Variants in POLE observed in about 807,000 individuals in gnomAD.
POLE encodes the protein DNA polymerase epsilon catalytic subunit A.
Under a neutral mutation model 279.2 loss-of-function variants are expected in POLE, and 188 were observed. The ratio of observed to expected loss-of-function variants is 0.67; its 90% CI spans 0.60 to 0.76. The LOEUF is 0.76. Among genes scored for constraint, POLE ranks in the 30% least tolerant of loss-of-function variants. The pLI, the probability that POLE is intolerant of heterozygous loss-of-function variation, is 0.00. For missense variants in POLE, 2,703 were observed against 3,016.7 expected, an observed-to-expected ratio of 0.90 and a Z score of 2.44; for synonymous variants, 1,214 against 1,172.5, an observed-to-expected ratio of 1.04 and a Z score of -0.72.
At chr12:132,626,354 C>CG (rs2041840148) in intron 45 of POLE, 37 bp from the exon 46 acceptor site, 1 of 1,597,976 alleles carries the variant, frequency 6.3e-7, no homozygotes, top group Non-Finnish European at 8.6e-7. Context: ...AAGGAGCTCC[C>CG]GGGGCCTCCC....
Position 132,624,551 on chromosome 12 carries a change from T to G in POLE, c.*146A>C. On this transcript the variant is annotated 3_prime_UTR_variant, in exon 49 of 49. Coordinates refer to ENST00000320574, the MANE Select transcript of POLE (RefSeq NM_006231.4). ...TCTGAGCTCCCTGAAAATGGTTTTC[T>G]TTGGTTTCCTCCCCGTTCCCTGGCC... 1 of 666,504 alleles carries G rather than the reference T, an allele frequency of 1.5e-6. No individual in the cohort carries two copies. Among genetic ancestry groups the G allele is most frequent in the Non-Finnish European group, 2.7e-6 (1 of 366,960 alleles). 41.3% of individuals were successfully genotyped at this position (666,504 alleles called of 1,614,324 possible). A position where few individuals can be genotyped will look rare whatever the true frequency, so the allele number is the denominator to read the frequency against.
Position 132,649,060 on chromosome 12 carries a change from TG to T in POLE, c.4017del (p.Ser1340AlafsTer21). ...LPWQIVQISE[T>X]SQAGLFRLWA... is the part of the protein sequence containing the mutation. ...CACAGCCTGAACAGGCCGGCCTGGC[TG>T]GTCTCGCTGATCTGAAAGGCCACAC... On this transcript the variant is annotated frameshift_variant, in exon 32 of 49. Coordinates refer to ENST00000320574, the MANE Select transcript of POLE (RefSeq NM_006231.4). LOFTEE classifies it high-confidence loss of function. The T allele has an allele frequency of 2.5e-6, 4 of 1,612,114 alleles. No homozygotes were observed. The highest frequency in any genetic ancestry group is 3.4e-6 in the Non-Finnish European group (4 of 1,179,644).
rs770638609 is a variant in POLE at position 132,677,770 on chromosome 12, GT to G, written c.579-52del. ...ACTCAGCTGCCAGGGTCTGGAGGAG[GT>G]GAGACCAGAGTTCCAACTCAGTAGG... is the stretch of plus-strand genomic sequence containing the variant. On this transcript the variant is annotated intron_variant, in intron 6 of 48. Coordinates refer to ENST00000320574, the MANE Select transcript of POLE (RefSeq NM_006231.4). 11 of 1,582,412 alleles carry G rather than the reference GT, an allele frequency of 7.0e-6. No individual in the cohort carries two copies. In the South Asian group the frequency reaches 9.0e-5, roughly 13 times the overall value.
Position 132,642,901 on chromosome 12 carries a change from G to C in POLE, c.4647C>G (p.Pro1549=), listed in dbSNP as rs1004972253. Residue 1549 remains proline, a synonymous_variant, in exon 36 of 49, where the codon CCC becomes CCG. Transcript: ENST00000320574. ...EKVGPELLPP[P]KHTFEVRAET... ...CTGCCCGAACTTCGAAGGTGTGTTT[G>C]GGGGGTGGCAGGAGCTCAGGGCCCA... 15 of 1,613,520 alleles carry C rather than the reference G, an allele frequency of 9.3e-6. No individual in the cohort carries two copies. Among genetic ancestry groups the C allele is most frequent in the African/African-American group, 2.7e-5 (2 of 74,920 alleles).
intron 39 of POLE, chr12:132,641,412 C>G: frequency 3.5e-6 from 2 of 575,414 alleles, no homozygotes; most frequent in Non-Finnish European, 6.2e-6. Flanking sequence ...TGTGAAGTAC[C>G]TCTGGCCACA....
chr12:132,630,291 G>A (rs527287018), intron 45 of POLE, among the ~76,000 whole-genome samples: 19 of 152,254 alleles, frequency 1.2e-4, no homozygotes, highest in East Asian at 1.2e-3. Flanking sequence ...ACAGGTAACC[G>A]CTTCGAAGCA....
At chr12:132,680,363 G>A in intron 3 of POLE, 141 bp from the exon 4 acceptor site, 5 of 780,176 alleles carry the variant, frequency 6.4e-6, no homozygotes, top group South Asian at 1.5e-5. Flanking sequence ...CAGGAAGTCA[G>A]AATGCGCACT....
intron 4 of POLE, 62 bp downstream of exon 4, chr12:132,680,116 T>G: frequency 2.5e-6 from 4 of 1,596,290 alleles, no homozygotes; most frequent in Non-Finnish European, 3.4e-6. Flanking sequence ...ATTTCCCAGT[T>G]GCAAAGCCCA....
chr12:132,685,980 A>G (rs191530478), intron 1 of POLE, among the ~76,000 whole-genome samples: 27 of 151,508 alleles, frequency 1.8e-4, no homozygotes, highest in African/African-American at 6.3e-4. Flanking sequence ...CGTTCAAGTG[A>G]TTCTCCTGCC....
chr12:132,624,631 C>A lies in POLE; in HGVS notation c.*66G>T. On this transcript the variant is annotated 3_prime_UTR_variant, in exon 49 of 49. Coordinates refer to ENST00000320574, the MANE Select transcript of POLE (RefSeq NM_006231.4). ...GTCAGTGGTCTGGTCACTGGAAGCA[C>A]GGGGATGTGGCCTTGGCATCAGGAG... The A allele has an allele frequency of 1.1e-6, 1 of 909,058 alleles. No homozygotes were observed. Among genetic ancestry groups the A allele is most frequent in the East Asian group, 2.4e-5 (1 of 41,804 alleles). The allele number at this position is 909,058 out of a possible 1,614,324, so 56.3% of individuals were successfully genotyped here. A position where few individuals can be genotyped will look rare whatever the true frequency, so the allele number is the denominator to read the frequency against.
chr12:132,625,962 G>T, intron 46 of POLE, 155 bp downstream of exon 46: 1 of 1,079,384 alleles, frequency 9.3e-7, no homozygotes, highest in Non-Finnish European at 1.3e-6. Context: ...AACATGGTGT[G>T]GGGAGGCCTG....
chr12:132,642,723 G>A lies in POLE; in HGVS notation c.4735C>T (p.Arg1579Cys), dbSNP rs1060500802. The A allele has an allele frequency of 5.0e-6, 8 of 1,613,270 alleles. No homozygotes were observed. The highest frequency in any genetic ancestry group is 6.8e-6 in the Non-Finnish European group (8 of 1,179,654). The change falls in exon 37 of 49, where the codon CGC becomes TGC. Residue 1579 changes from arginine (R) to cysteine (C), a missense_variant. Coordinates refer to ENST00000320574, the MANE Select transcript of POLE (RefSeq NM_006231.4). Reference protein sequence around the residue: ...QRFLLAYKEERRGPTLIAVQS... With the variant: ...QRFLLAYKEECRGPTLIAVQS... Reference sequence around the variant, plus strand: ...ACAGCGATGAGTGTGGGCCCCCGGCGCTCCTCCTGGGTCAAGGCAAAATGG... The same window carrying A: ...ACAGCGATGAGTGTGGGCCCCCGGCACTCCTCCTGGGTCAAGGCAAAATGG...
chr12:132,643,800 C>A (rs1339707135), intron 33 of POLE, 37 bp downstream of exon 33: 1 of 1,602,096 alleles, frequency 6.2e-7, no homozygotes, highest in Admixed American at 1.7e-5. Context: ...CCTGCTGGAG[C>A]CTCCCCCAGT....
At position 132,634,662 on chromosome 12, in the gene POLE, C is replaced by T. The variant is rs531206326; in HGVS notation, c.5812-284G>A. Among the ~76,000 whole-genome samples, 1 of 152,306 alleles carries T rather than the reference C, an allele frequency of 6.6e-6. No individual in the cohort carries two copies. Among genetic ancestry groups the T allele is most frequent in the South Asian group, 2.1e-4 (1 of 4,824 alleles). On this transcript the variant is annotated intron_variant, in intron 42 of 48. Coordinates refer to ENST00000320574, the MANE Select transcript of POLE (RefSeq NM_006231.4). This position sits in a 1 kb window ranked among gnomAD's most constrained non-coding sequence, Gnocchi z 4.0. ...TCACTTTAATTGTTGAACTCCCACC[C>T]CCCAAGGACGAAAGAACCAGCCAGA... is the stretch of plus-strand genomic sequence containing the variant.
At chr12:132,659,204 G>C (rs1190481472) in intron 26 of POLE, 91 bp downstream of exon 26, 2 of 1,344,088 alleles carry the variant, frequency 1.5e-6, no homozygotes, top group African/African-American at 1.5e-5. Flanking sequence ...TCTGTGATGA[G>C]GGGAGCCCTC....
chr12:132,634,876 C>T lies in POLE; in HGVS notation c.5812-498G>A, dbSNP rs2042004013. 1.3e-5 allele frequency among the ~76,000 whole-genome samples: 2 copies of T among 152,086 alleles called. No homozygotes were observed. The stretch of plus-strand genomic sequence containing the variant: ...CCCCTCCTCAGAGCGGTCTACACTG[C>T]CTGAGTTTCTACCCTCCCACTTTGT... On this transcript the variant is annotated intron_variant, in intron 42 of 48. Coordinates refer to ENST00000320574, the MANE Select transcript of POLE (RefSeq NM_006231.4). This position sits in a 1 kb window ranked among gnomAD's most constrained non-coding sequence, Gnocchi z 4.0.
In POLE at chr12:132,641,631, C is replaced by T. The variant is rs927605562; in HGVS notation, c.5378+16G>A. On this transcript the variant is annotated intron_variant, in intron 39 of 48. Transcript: ENST00000320574. ...ACCCTTCTATTAGTAACACTCCTTC[C>T]CAGAGAGGGTGGCACCTGAAGGTGT... The T allele has an allele frequency of 5.6e-6, 9 of 1,608,336 alleles. No homozygotes were observed. Among genetic ancestry groups the T allele is most frequent in the Non-Finnish European group, 6.8e-6 (8 of 1,174,970 alleles).
At position 132,668,745 on chromosome 12, in the gene POLE, G is replaced by A. The variant is rs530352468; in HGVS notation, c.1924-8C>T. ...GTCCACCATGGCAGAGGGCTGGGAG[G>A]GGTGAGAAAGCACTTAGGGCTGGGC... is the stretch of plus-strand genomic sequence containing the variant. On this transcript the variant is annotated splice_region_variant and splice_polypyrimidine_tract_variant and intron_variant, in intron 17 of 48. Transcript: ENST00000320574. This position sits in a 1 kb window ranked among gnomAD's most constrained non-coding sequence, Gnocchi z 4.0. 3 of 1,613,750 alleles carry A rather than the reference G, an allele frequency of 1.9e-6. No individual in the cohort carries two copies. The East Asian group carries it at 6.7e-5, about 36-fold the overall frequency.
chr12:132,635,602 C>T (rs771117398), intron 42 of POLE, among the ~76,000 whole-genome samples: 5 of 152,260 alleles, frequency 3.3e-5, no homozygotes, highest in African/African-American at 7.2e-5. Context: ...GCCTTATGCT[C>T]GCACAACTAT....
Sources: allele counts gnomAD v4.1 joint callset (sites outside exome capture counted in the v4.1 genomes callset), GRCh38; gene constraint gnomAD v4.1.1; non-coding constraint Gnocchi (gnomAD v3.1); transcripts MANE v1.5; gene names NCBI Gene and HGNC (gene_info 2026-07-23, HGNC 2026-07-21).